The following HTR1D variants were observed in gnomAD, a reference collection of about 807,000 sequenced individuals.
HTR1D encodes the protein 5-HT-1D.
HTR1D carries 18 observed loss-of-function variants against 21.1 expected under a neutral mutation model. The observed-to-expected ratio is 0.85, with a 90% CI of 0.59 to 1.27. The LOEUF (loss-of-function observed/expected upper bound fraction) is 1.27. Ranked by LOEUF, HTR1D falls within the 50% of genes most tolerant of loss-of-function variation. The pLI is 0.00. For synonymous variants in HTR1D, 196 were observed against 204.4 expected (o/e 0.96, Z 0.35); for missense variants, 456 against 481.4 (o/e 0.95, Z 0.49).
At chr1:23,213,475 G>A (rs200439460) in intron 1 of HTR1D, among the ~76,000 whole-genome samples, 23 of 33,908 alleles carry the variant, frequency 6.8e-4, no homozygotes, top group South Asian at 1.2e-3. Context: ...GACAGACTCC[G>A]TCTAAAAACA....
chr1:23,210,375 G>C (rs1451534862), intron 1 of HTR1D, among the ~76,000 whole-genome samples: 2 of 152,234 alleles, frequency 1.3e-5, no homozygotes, highest in Non-Finnish European at 2.9e-5. Context: ...ACCACGCCCA[G>C]CCAGGTCTGC....
intron 1 of HTR1D, among the ~76,000 whole-genome samples, chr1:23,209,626 T>A (rs1465798904): frequency 6.6e-6 from 1 of 152,138 alleles, no homozygotes; most frequent in Non-Finnish European, 1.5e-5. Flanking sequence ...ATGTATTAAC[T>A]CATTTAAGTC....
At position 23,194,138 on chromosome 1, in the gene HTR1D, C is replaced by T. The variant is rs750282361; in HGVS notation, c.82G>A (p.Ala28Thr). 9.3e-6 allele frequency: 15 copies of T among 1,614,100 alleles called. 1 individual carries two copies. The South Asian group carries it at 1.5e-4, about 17-fold the overall frequency. Residue 28 changes from alanine to threonine, a missense_variant, in exon 2 of 2, where the codon GCT (alanine) becomes ACT (threonine). Physicochemically the swap from Ala to Thr is moderately conservative, Grantham distance 58 (BLOSUM62 0). Coordinates refer to ENST00000374619, the MANE Select transcript of HTR1D (RefSeq NM_000864.5). ...GCCTGGAGGGTCCTGGGATCCCAAG[C>T]CTCTGAGGTTTCTGTGGCATTCAGG... The part of the protein sequence containing the change: ...RSLNATETSE[A>T]WDPRTLQALK...
rs906084807 is a variant in HTR1D, at chr1:23,217,459, C to A, written c.-951G>T. Among the ~76,000 whole-genome samples the A allele has an allele frequency of 6.6e-6, 1 of 151,990 alleles. No individual in the cohort carries two copies. The highest frequency in any genetic ancestry group is 1.5e-5 in the Non-Finnish European group (1 of 67,934). On this transcript the variant is annotated 5_prime_UTR_variant, in exon 1 of 2. Coordinates refer to ENST00000374619, the MANE Select transcript of HTR1D (RefSeq NM_000864.5). This position sits in a 1 kb window ranked among gnomAD's most constrained non-coding sequence, Gnocchi z 4.6. The stretch of plus-strand genomic sequence containing the variant: ...TTTCCGGCTCGCGCCCTCGCGATCC[C>A]GCACCTGCCTCCGCCTCTCCCAGAG...
intron 1 of HTR1D, among the ~76,000 whole-genome samples, chr1:23,198,394 A>C: frequency 6.7e-6 from 1 of 150,046 alleles, no homozygotes; most frequent in Admixed American, 6.6e-5. Context: ...AAAAGTGTAG[A>C]GCAATTTTCT....
chr1:23,193,054 C>G lies in HTR1D; in HGVS notation c.*32G>C, dbSNP rs376399492. ...ACAATCCCGATGAGGTTACAGGACA[C>G]AAAAGATAACAAGAGTCATCACCGA... On this transcript the variant is annotated 3_prime_UTR_variant, in exon 2 of 2. Transcript: ENST00000374619. 501 of 1,471,114 alleles carry G rather than the reference C, an allele frequency of 3.4e-4. No homozygotes were observed. Among genetic ancestry groups the G allele is most frequent in the Non-Finnish European group, 4.3e-4 (463 of 1,082,706 alleles). The allele number at this position is 1,471,114 out of a possible 1,614,324, so 91.1% of individuals were successfully genotyped here.
intron 1 of HTR1D, among the ~76,000 whole-genome samples, chr1:23,208,170 C>T (rs1209104378): frequency 6.6e-6 from 1 of 152,170 alleles, no homozygotes; most frequent in Non-Finnish European, 1.5e-5. Flanking sequence ...TGGCTCATGC[C>T]TGAATCCCAG....
intron 1 of HTR1D, among the ~76,000 whole-genome samples, 24 bp from the exon 2 acceptor site, chr1:23,195,025 A>G (rs927673605): frequency 1.3e-5 from 2 of 152,212 alleles, no homozygotes; most frequent in African/African-American, 4.8e-5. Flanking sequence ...AAGAAAAAAA[A>G]TAGAGTTAGG....
At position 23,217,318 on chromosome 1, in the gene HTR1D, C is replaced by A. The variant is rs1557731383; in HGVS notation, c.-810G>T. Among the ~76,000 whole-genome samples the A allele has an allele frequency of 6.6e-6, 1 of 151,748 alleles. No individual in the cohort carries two copies. The highest frequency in any genetic ancestry group is 1.5e-5 in the Non-Finnish European group (1 of 67,860). ...GCTGCCCGGCGGGCAGGTGCGCACACCCGGCGTACCCGCCCGATCCACTTC... is the reference window on the plus strand; with the variant it reads ...GCTGCCCGGCGGGCAGGTGCGCACAACCGGCGTACCCGCCCGATCCACTTC... On this transcript the variant is annotated 5_prime_UTR_variant, in exon 1 of 2. Transcript: ENST00000374619. This position sits in a 1 kb window ranked among gnomAD's most constrained non-coding sequence, Gnocchi z 4.6.
Position 23,193,774 on chromosome 1 carries a change from C to G in HTR1D, c.446G>C (p.Arg149Pro), listed in dbSNP as rs556603753. 2 of 1,613,950 alleles carry G rather than the reference C, an allele frequency of 1.2e-6. No individual in the cohort carries two copies. The highest frequency in any genetic ancestry group is 2.7e-5 in the African/African-American group (2 of 74,934). The change falls in exon 2 of 2, where the codon CGC becomes CCC. Residue 149 changes from arginine to proline, a missense_variant. Arg to Pro is a moderately radical substitution (Grantham distance 103, BLOSUM62 -2). Coordinates refer to ENST00000374619, the MANE Select transcript of HTR1D (RefSeq NM_000864.5). ...AITDALEYSK[R>P]RTAGHAATMI... ...GGTGGCCGCGTGGCCAGCCGTCCTG[C>G]GTTTACTGTATTCCAGGGCATCTGT...
At chr1:23,202,073 T>G (rs1174787156) in intron 1 of HTR1D, among the ~76,000 whole-genome samples, 1 of 151,866 alleles carries the variant, frequency 6.6e-6, no homozygotes, top group Non-Finnish European at 1.5e-5. Context: ...TTCGTGGTTT[T>G]TTGTTGTTGT....
chr1:23,214,189 G>A (rs1203664496), intron 1 of HTR1D, among the ~76,000 whole-genome samples: 1 of 152,214 alleles, frequency 6.6e-6, no homozygotes, highest in East Asian at 1.9e-4. Flanking sequence ...CACTTCGGGA[G>A]GCTGAGGTAG....
rs1157722053 is a variant in HTR1D, at chr1:23,193,955, T to G, written c.265A>C (p.Ile89Leu). Residue 89 changes from isoleucine (I) to leucine (L), a missense_variant, in exon 2 of 2, where the codon ATC becomes CTC. Coordinates refer to ENST00000374619, the MANE Select transcript of HTR1D (RefSeq NM_000864.5). The part of the protein sequence containing the change: ...SLATTDLLVS[I>L]LVMPISIAYT... ...GCGATGCTGATGGGCATTACCAAGATGGAAACCAAGAGGTCGGTGGTGGCC... is the reference window on the plus strand; with the variant it reads ...GCGATGCTGATGGGCATTACCAAGAGGGAAACCAAGAGGTCGGTGGTGGCC... 6.2e-7 allele frequency: 1 copy of G among 1,614,128 alleles called. No individual in the cohort carries two copies. Among genetic ancestry groups the G allele is most frequent in the Non-Finnish European group, 8.5e-7 (1 of 1,180,022 alleles).
chr1:23,215,195 T>C (rs573983912), intron 1 of HTR1D, among the ~76,000 whole-genome samples: 1 of 152,222 alleles, frequency 6.6e-6, no homozygotes, highest in South Asian at 2.1e-4. Flanking sequence ...GGAGGGTGGA[T>C]TCTTTGAGCC....
At chr1:23,202,005 A>C (rs959397466) in intron 1 of HTR1D, among the ~76,000 whole-genome samples, 10 of 152,186 alleles carry the variant, frequency 6.6e-5, no homozygotes, top group African/African-American at 2.4e-4. Flanking sequence ...AGTAGGGAGA[A>C]CATGCCTAGC....
rs528855648 is a variant in HTR1D at position 23,194,211 on chromosome 1, T to C, written c.9A>G (p.Pro3=). Residue 3 remains proline (P), a synonymous_variant, in exon 2 of 2, where the codon CCA becomes CCG. Transcript: ENST00000374619. ...GAAGGCCTTCTGCTGACTGGTTCAG[T>C]GGGGACATGCTAGGTGGCTCTCTCT... MS[P]LNQSAEGLPQ... The C allele has an allele frequency of 1.7e-5, 27 of 1,612,636 alleles. No individual in the cohort carries two copies. In the South Asian group the frequency reaches 2.1e-4, roughly 12 times the overall value.
chr1:23,212,939 G>GC (rs530717932), intron 1 of HTR1D, among the ~76,000 whole-genome samples: 9 of 151,788 alleles, frequency 5.9e-5, no homozygotes, highest in African/African-American at 2.2e-4. Context: ...CGATTCTCCT[G>GC]CCTCAGCCTC....
chr1:23,200,752 A>G (rs957944292), intron 1 of HTR1D, among the ~76,000 whole-genome samples: 2 of 152,170 alleles, frequency 1.3e-5, no homozygotes, highest in African/African-American at 4.8e-5. Flanking sequence ...TCTCCAGGCA[A>G]CAACATCACT....
intron 1 of HTR1D, among the ~76,000 whole-genome samples, chr1:23,201,926 C>T (rs1644710708): frequency 6.6e-6 from 1 of 152,122 alleles, no homozygotes; most frequent in Non-Finnish European, 1.5e-5. Flanking sequence ...ACCTCCTGGG[C>T]CCTTCTTCCT....
Sources: allele counts gnomAD v4.1 joint callset (sites outside exome capture counted in the v4.1 genomes callset), GRCh38; gene constraint gnomAD v4.1.1; non-coding constraint Gnocchi (gnomAD v3.1); transcripts MANE v1.5; gene names NCBI Gene and HGNC (gene_info 2026-07-23, HGNC 2026-07-21).